CDK5RAP1: variants seen among roughly 807,000 people sequenced by gnomAD.
The protein encoded by CDK5RAP1 is mitochondrial tRNA methylthiotransferase CDK5RAP1.
CDK5RAP1 carries 62 observed loss-of-function variants against 64.5 expected under a neutral mutation model. The observed-to-expected ratio is 0.96, with a 90% CI of 0.78 to 1.19. The LOEUF is 1.19. CDK5RAP1 is among the 50% of genes most tolerant of loss of function. The pLI is 0.00. For missense variants in CDK5RAP1, 657 were observed against 735.0 expected (o/e 0.89, Z 1.23); for synonymous variants, 250 against 261.9 (o/e 0.95, Z 0.44).
At chr20:33,376,280 C>CACTCCAGCCTGGGTG (rs2146637564) in intron 8 of CDK5RAP1, among the ~76,000 whole-genome samples, 1 of 152,030 alleles carries the variant, frequency 6.6e-6, no homozygotes, top group Non-Finnish European at 1.5e-5. Flanking sequence ...GCTGAGATCG[C>CACTCCAGCCTGGGTG]ACCACCGCAC....
At chr20:33,393,025 G>A (rs1040690371) in intron 4 of CDK5RAP1, among the ~76,000 whole-genome samples, 9 of 151,732 alleles carry the variant, frequency 5.9e-5, no homozygotes, top group South Asian at 2.1e-4. Flanking sequence ...GATTACAGGC[G>A]TGCACCACCA....
intron 1 of CDK5RAP1, among the ~76,000 whole-genome samples, chr20:33,398,603 A>C (rs1989115193): frequency 6.6e-6 from 1 of 152,200 alleles, no homozygotes; most frequent in African/African-American, 2.4e-5. Flanking sequence ...TGGTGCATCC[A>C]TACAATGAAA....
chr20:33,398,992 T>C (rs1441272103), intron 1 of CDK5RAP1, among the ~76,000 whole-genome samples: 1 of 152,028 alleles, frequency 6.6e-6, no homozygotes, highest in Non-Finnish European at 1.5e-5. Context: ...AGCAATATGC[T>C]CCATGCTACC....
In CDK5RAP1 at chr20:33,359,138, G is replaced by C. The variant is rs1982431560; in HGVS notation, c.1684-15C>G. 6.3e-7 allele frequency: 1 copy of C among 1,580,592 alleles called. No individual in the cohort carries two copies. Among genetic ancestry groups the C allele is most frequent in the Admixed American group, 1.7e-5 (1 of 59,938 alleles). ...GCTGAGGTGATCTGAAAGAAAACCA[G>C]GCAGAAGAAGGCAAAATAACTAGGA... On this transcript the variant is annotated splice_polypyrimidine_tract_variant and intron_variant, in intron 13 of 13. Transcript: ENST00000346416.
chr20:33,396,715 A>AG (rs1415954173), intron 2 of CDK5RAP1, 46 bp downstream of exon 2: 3 of 1,361,946 alleles, frequency 2.2e-6, no homozygotes, highest in Non-Finnish European at 3.1e-6. Context: ...AATGACAGAG[A>AG]GGAGCAAGGC....
intron 7 of CDK5RAP1, among the ~76,000 whole-genome samples, chr20:33,381,727 C>A (rs1986774274): frequency 6.6e-6 from 1 of 152,110 alleles, no homozygotes; most frequent in East Asian, 1.9e-4. Flanking sequence ...CACGCCCAGC[C>A]CAAATAATGT....
chr20:33,374,755 T>A (rs1005950203), intron 8 of CDK5RAP1, among the ~76,000 whole-genome samples: 1 of 151,698 alleles, frequency 6.6e-6, no homozygotes, highest in African/African-American at 2.4e-5. Flanking sequence ...GTAGAGATGA[T>A]GTTGCCCAGG....
intron 11 of CDK5RAP1, 79 bp downstream of exon 11, chr20:33,370,420 T>C: frequency 6.7e-7 from 1 of 1,490,652 alleles, no homozygotes; most frequent in East Asian, 2.3e-5. Context: ...CGCCACTCTC[T>C]TTTCTGCCCT....
At chr20:33,365,139 T>C (rs1039233792) in intron 12 of CDK5RAP1, among the ~76,000 whole-genome samples, 2 of 151,930 alleles carry the variant, frequency 1.3e-5, no homozygotes, top group African/African-American at 4.8e-5. Flanking sequence ...CACGCAATCC[T>C]CCAGCCTTGG....
intron 8 of CDK5RAP1, among the ~76,000 whole-genome samples, chr20:33,376,168 T>A (rs1045447741): frequency 4.6e-5 from 7 of 151,822 alleles, no homozygotes; most frequent in Admixed American, 3.3e-4. Flanking sequence ...CTGCTAAGAA[T>A]ACAAAAATTA....
intron 12 of CDK5RAP1, among the ~76,000 whole-genome samples, chr20:33,366,027 A>G (rs952922754): frequency 6.6e-6 from 1 of 152,206 alleles, no homozygotes; most frequent in Non-Finnish European, 1.5e-5. Context: ...TGAATAAGAA[A>G]GAGCTTTGTG....
intron 12 of CDK5RAP1, among the ~76,000 whole-genome samples, chr20:33,365,380 T>C (rs1220950407): frequency 6.6e-6 from 1 of 151,942 alleles, no homozygotes; most frequent in Admixed American, 6.6e-5. Flanking sequence ...CAAGCAATTC[T>C]CCCACCTCAG....
intron 3 of CDK5RAP1, among the ~76,000 whole-genome samples, chr20:33,394,479 CTTT>C (rs377029678): frequency 1.4e-5 from 2 of 140,496 alleles, no homozygotes; most frequent in African/African-American, 2.6e-5. Flanking sequence ...TATTTTTTTC[CTTT>C]TTTTTTTTTT....
chr20:33,368,845 T>C (rs1342030154), intron 11 of CDK5RAP1, among the ~76,000 whole-genome samples: 1 of 151,598 alleles, frequency 6.6e-6, no homozygotes, highest in African/African-American at 2.4e-5. Flanking sequence ...CACTTCAGCC[T>C]GGGCAACAAG....
In CDK5RAP1 at chr20:33,394,031, C is replaced by G. The variant is rs760997005; in HGVS notation, c.443+1G>C. ...CTCCTAGGAAAAGAACAAATTCGCACCTGATAGAGCATGTGACAAGGAGAA... is the reference window on the plus strand; with the variant it reads ...CTCCTAGGAAAAGAACAAATTCGCAGCTGATAGAGCATGTGACAAGGAGAA... On this transcript the variant is annotated splice_donor_variant, in intron 4 of 13. Transcript: ENST00000346416. LOFTEE classifies it high-confidence loss of function. The G allele has an allele frequency of 6.3e-7, 1 of 1,592,710 alleles. No homozygotes were observed. The highest frequency in any genetic ancestry group is 8.6e-7 in the Non-Finnish European group (1 of 1,160,488).
chr20:33,389,521 C>G (rs1243577974), intron 5 of CDK5RAP1, among the ~76,000 whole-genome samples: 1 of 151,554 alleles, frequency 6.6e-6, no homozygotes, highest in African/African-American at 2.4e-5. Flanking sequence ...GGCCAGCCGA[C>G]CCGTCAGGGA....
chr20:33,389,398 G>T lies in CDK5RAP1; in HGVS notation c.545-1865C>A, dbSNP rs562434228. Among the ~76,000 whole-genome samples, 12 of 151,698 alleles carry T rather than the reference G, an allele frequency of 7.9e-5. No homozygotes were observed. In the South Asian group the frequency reaches 2.5e-3, roughly 32 times the overall value. On this transcript the variant is annotated intron_variant, in intron 5 of 13. Transcript: ENST00000346416. ...AGCCCCTCCGCGCGGCAGCCGCCCC[G>T]TCTGAGAAGTGAGGAGCCCCTCCGC... is the stretch of plus-strand genomic sequence containing the variant.
rs1982868308 is a variant in CDK5RAP1, at chr20:33,361,279, G to C, written c.1543-788C>G. ...GTGGTCCTCCCCTGCACTGAAGAGA[G>C]AGGGATCAATGTTCAGGGAGACTGA... On this transcript the variant is annotated intron_variant, in intron 12 of 13. Transcript: ENST00000346416. Among the ~76,000 whole-genome samples the C allele has an allele frequency of 2.0e-5, 3 of 152,328 alleles. No homozygotes were observed. In the South Asian group the frequency reaches 6.2e-4, roughly 32 times the overall value.
intron 5 of CDK5RAP1, among the ~76,000 whole-genome samples, chr20:33,388,797 G>A (rs570423556): frequency 2.6e-5 from 4 of 152,186 alleles, no homozygotes; most frequent in East Asian, 1.9e-4. Flanking sequence ...ACTGGTTTTC[G>A]TATTTTTTTG....
Sources: gnomAD v4.1 joint callset for allele counts (sites outside exome capture counted in the v4.1 genomes callset) on GRCh38, gnomAD v4.1.1 for gene constraint, MANE v1.5 for transcripts, NCBI Gene and HGNC (gene_info 2026-07-23, HGNC 2026-07-21) for gene names.